MLLT3: variants seen among roughly 807,000 people sequenced by gnomAD.
The protein encoded by MLLT3 is MLLT3 super elongation complex subunit, also known as protein AF-9.
A neutral mutation model predicts 53.2 loss-of-function variants in MLLT3; 4 were observed. The observed-to-expected ratio is 0.08, with a 90% confidence interval of 0.04 to 0.17. The LOEUF is 0.17. Ranked by LOEUF, MLLT3 falls within the 10% of genes least tolerant of loss-of-function variation. The probability of loss-of-function intolerance (pLI) is 1.00; values close to 1 mark genes in which losing one functional copy is unlikely to be tolerated. For synonymous variants in MLLT3, 283 were observed against 230.6 expected, an observed-to-expected ratio of 1.23 and a Z score of -2.06; for missense variants, 569 against 684.0, an observed-to-expected ratio of 0.83 and a Z score of 1.87.
At chr9:20,452,844 G>A (rs1181695337) in intron 3 of MLLT3, among the ~76,000 whole-genome samples, 1 of 152,186 alleles carries the variant, frequency 6.6e-6, no homozygotes, top group Non-Finnish European at 1.5e-5. Context: ...TGGAACGGTG[G>A]TTACCATGGG....
At chr9:20,461,251 C>A (rs1824102043) in intron 2 of MLLT3, among the ~76,000 whole-genome samples, 1 of 152,074 alleles carries the variant, frequency 6.6e-6, no homozygotes, top group South Asian at 2.1e-4. Context: ...TTCAAAATAA[C>A]AGACACAATA....
intron 5 of MLLT3, among the ~76,000 whole-genome samples, chr9:20,385,006 C>A (rs900092964): frequency 2.6e-5 from 4 of 152,008 alleles, no homozygotes; most frequent in African/African-American, 7.2e-5. Context: ...ACTAAAAATT[C>A]TTGCAGAAAA....
At chr9:20,520,364 A>C (rs1818027032) in intron 2 of MLLT3, among the ~76,000 whole-genome samples, 1 of 152,196 alleles carries the variant, frequency 6.6e-6, no homozygotes, top group African/African-American at 2.4e-5. Context: ...AATTAAAAAA[A>C]AAAAGAATAT....
Position 20,344,882 on chromosome 9 carries a change from A to C in MLLT3, c.*1561T>G, listed in dbSNP as rs955292245. The C allele has an allele frequency of 1.4e-5, 3 of 212,044 alleles. No homozygotes were observed. The highest frequency in any genetic ancestry group is 1.9e-5 in the Non-Finnish European group (2 of 104,634). The allele number at this position is 212,044 out of a possible 1,614,324, so 13.1% of individuals were successfully genotyped here. ...GAACAAACAAGGGAGATACTGGTCTATTAGCACACATAGAGACTTTCTTAA... is the reference window on the plus strand; with the variant it reads ...GAACAAACAAGGGAGATACTGGTCTCTTAGCACACATAGAGACTTTCTTAA... On this transcript the variant is annotated 3_prime_UTR_variant, in exon 11 of 11. Coordinates refer to ENST00000380338, the MANE Select transcript of MLLT3 (RefSeq NM_004529.4).
intron 10 of MLLT3, among the ~76,000 whole-genome samples, chr9:20,350,977 C>T (rs1356594914): frequency 6.6e-6 from 1 of 152,158 alleles, no homozygotes; most frequent in Non-Finnish European, 1.5e-5. Context: ...AGAGCCAGAT[C>T]TGGGATAACA....
chr9:20,589,476 C>T (rs1441339498), intron 2 of MLLT3, among the ~76,000 whole-genome samples: 2 of 147,548 alleles, frequency 1.4e-5, no homozygotes, highest in African/African-American at 5.0e-5. Flanking sequence ...GGAGATATAC[C>T]TAATGCTAGA....
chr9:20,479,848 A>G (rs1824618581), intron 2 of MLLT3, among the ~76,000 whole-genome samples: 1 of 152,224 alleles, frequency 6.6e-6, no homozygotes, highest in Non-Finnish European at 1.5e-5. Context: ...GAAATAATGC[A>G]TCACAATGGC....
intron 2 of MLLT3, among the ~76,000 whole-genome samples, chr9:20,593,396 G>T (rs887460728): frequency 1.3e-5 from 2 of 152,164 alleles, no homozygotes; most frequent in African/African-American, 4.8e-5. Flanking sequence ...TTAGCATCAA[G>T]AAAGTCTTAT....
chr9:20,344,173 T>G lies in MLLT3; in HGVS notation c.*2270A>C, dbSNP rs1375135886. 1 of 195,990 alleles carries G rather than the reference T, an allele frequency of 5.1e-6. No homozygotes were observed. Among genetic ancestry groups the G allele is most frequent in the African/African-American group, 2.3e-5 (1 of 43,336 alleles). 12.1% of individuals were successfully genotyped at this position (195,990 alleles called of 1,614,324 possible). A position where few individuals can be genotyped will look rare whatever the true frequency, so the allele number is the denominator to read the frequency against. ...TGTCCTTCTTATCATTATTTTTGTTTGGTCATTTCTTATCTTACCTAGCTT... is the reference window on the plus strand; with the variant it reads ...TGTCCTTCTTATCATTATTTTTGTTGGGTCATTTCTTATCTTACCTAGCTT... On this transcript the variant is annotated 3_prime_UTR_variant, in exon 11 of 11. Transcript: ENST00000380338.
At chr9:20,534,704 G>A (rs1349640165) in intron 2 of MLLT3, among the ~76,000 whole-genome samples, 2 of 152,094 alleles carry the variant, frequency 1.3e-5, no homozygotes, top group African/African-American at 4.8e-5. Context: ...GGATAACACA[G>A]TGAAACCCTG....
At chr9:20,363,675 G>A (rs1202030782) in intron 6 of MLLT3, 70 bp from the exon 7 acceptor site, 2 of 1,498,252 alleles carry the variant, frequency 1.3e-6, no homozygotes, top group Non-Finnish European at 1.8e-6. Flanking sequence ...TTAGAAACAG[G>A]GGGATGCTTA....
At chr9:20,493,073 A>G (rs1824992236) in intron 2 of MLLT3, among the ~76,000 whole-genome samples, 1 of 151,052 alleles carries the variant, frequency 6.6e-6, no homozygotes, top group Non-Finnish European at 1.5e-5. Flanking sequence ...TTGTTTTTCT[A>G]TTTGCCTAAT....
chr9:20,487,410 A>G (rs1418028413), intron 2 of MLLT3, among the ~76,000 whole-genome samples: 1 of 152,160 alleles, frequency 6.6e-6, no homozygotes, highest in Non-Finnish European at 1.5e-5. Flanking sequence ...TTACAAAATA[A>G]ATTAACAAAT....
intron 2 of MLLT3, among the ~76,000 whole-genome samples, chr9:20,594,561 T>C (rs1451492054): frequency 1.3e-5 from 2 of 152,156 alleles, no homozygotes; most frequent in Admixed American, 1.3e-4. Flanking sequence ...TGAGAATTAC[T>C]GGGCTACATT....
intron 2 of MLLT3, among the ~76,000 whole-genome samples, chr9:20,530,303 A>G (rs1188060352): frequency 6.6e-6 from 1 of 152,220 alleles, no homozygotes; most frequent in Non-Finnish European, 1.5e-5. Context: ...AAAAATTACC[A>G]AGACTAGAAC....
Position 20,448,228 on chromosome 9 carries a change from G to A in MLLT3, c.315C>T (p.Phe105=). Residue 105 remains phenylalanine (F), a synonymous_variant, in exon 4 of 11, where the codon TTC becomes TTT. Coordinates refer to ENST00000380338, the MANE Select transcript of MLLT3 (RefSeq NM_004529.4). The surrounding 1 kb of genome is among the most constrained non-coding windows in gnomAD (Gnocchi z 4.0). The part of the protein sequence containing the change: ...PRKVRFDYDL[F]LHLEGHPPVN... ...CTGGTGGATGGCCTTCAAGATGCAGGAATAAGTCATAATCAAAGCGGACTT... is the reference window on the plus strand; with the variant it reads ...CTGGTGGATGGCCTTCAAGATGCAGAAATAAGTCATAATCAAAGCGGACTT... 1.9e-6 allele frequency: 3 copies of A among 1,613,424 alleles called. No homozygotes were observed. The highest frequency in any genetic ancestry group is 1.7e-6 in the Non-Finnish European group (2 of 1,179,682).
intron 2 of MLLT3, among the ~76,000 whole-genome samples, chr9:20,462,144 G>A (rs1264873427): frequency 1.3e-5 from 2 of 152,116 alleles, no homozygotes; most frequent in East Asian, 3.8e-4. Context: ...ACCACTACAA[G>A]GCTTTACAGT....
chr9:20,494,572 T>C (rs1329411544), intron 2 of MLLT3, among the ~76,000 whole-genome samples: 1 of 152,176 alleles, frequency 6.6e-6, no homozygotes, highest in African/African-American at 2.4e-5. Flanking sequence ...TCTTTAAAAA[T>C]ATTCAAAACC....
At chr9:20,549,283 G>T (rs1412061525) in intron 2 of MLLT3, among the ~76,000 whole-genome samples, 1 of 152,050 alleles carries the variant, frequency 6.6e-6, no homozygotes, top group Non-Finnish European at 1.5e-5. Context: ...CCAAAACACT[G>T]GACACAAAGA....
Sources: allele counts gnomAD v4.1 joint callset (sites outside exome capture counted in the v4.1 genomes callset), GRCh38; gene constraint gnomAD v4.1.1; non-coding constraint Gnocchi (gnomAD v3.1); transcripts MANE v1.5; gene names NCBI Gene and HGNC (gene_info 2026-07-23, HGNC 2026-07-21).